Variants in PITPNM2 observed in about 807,000 individuals in gnomAD.
PITPNM2 encodes phosphatidylinositol transfer protein membrane associated 2.
Under a neutral mutation model 132.2 loss-of-function variants are expected in PITPNM2, and 35 were observed. The ratio of observed to expected loss-of-function variants is 0.26; its 90% CI spans 0.20 to 0.35. The LOEUF (loss-of-function observed/expected upper bound fraction) is 0.35, where lower values mean the gene tolerates loss of function less well. Ranked by LOEUF, PITPNM2 falls within the 10% of genes least tolerant of loss-of-function variation. The pLI, the probability that PITPNM2 is intolerant of heterozygous loss-of-function variation, is 1.00. For missense variants in PITPNM2, 1,332 were observed against 1,912.0 expected, an observed-to-expected ratio of 0.70 and a Z score of 5.66; for synonymous variants, 738 against 799.2, an observed-to-expected ratio of 0.92 and a Z score of 1.29.
intron 2 of PITPNM2, among the ~76,000 whole-genome samples, chr12:123,071,832 C>T (rs2041629177): frequency 1.6e-5 from 1 of 64,100 alleles, no homozygotes; most frequent in Admixed American, 1.6e-4. Flanking sequence ...GTCACACAGC[C>T]AGGACTCAAA....
In PITPNM2 at chr12:123,034,505, C is replaced by G. The variant is rs369857832; in HGVS notation, c.78+8G>C. ...CACCCCATGACCCACCCTTGCCCCACGACCCACCTGTATCATGTACAGCTG... is the reference window on the plus strand; with the variant it reads ...CACCCCATGACCCACCCTTGCCCCAGGACCCACCTGTATCATGTACAGCTG... On this transcript the variant is annotated splice_region_variant and intron_variant, in intron 3 of 25. Coordinates refer to ENST00000320201, the MANE Select transcript of PITPNM2 (RefSeq NM_020845.3). 4.3e-6 allele frequency: 7 copies of G among 1,613,610 alleles called. No homozygotes were observed. Among genetic ancestry groups the G allele is most frequent in the South Asian group, 1.1e-5 (1 of 91,036 alleles).
At chr12:123,026,719 T>C (rs1342268625) in intron 3 of PITPNM2, among the ~76,000 whole-genome samples, 1 of 152,172 alleles carries the variant, frequency 6.6e-6, no homozygotes, top group African/African-American at 2.4e-5. Context: ...TCACGCCTTT[T>C]CCAGGACAGC....
At chr12:123,025,509 C>T (rs571025922) in intron 3 of PITPNM2, among the ~76,000 whole-genome samples, 5 of 151,596 alleles carry the variant, frequency 3.3e-5, no homozygotes, top group South Asian at 4.2e-4. Context: ...TCTTGGCTCA[C>T]CGCATCCTCT....
Position 122,985,619 on chromosome 12 carries a change from C to T in PITPNM2, c.*408G>A, listed in dbSNP as rs2037901351. On this transcript the variant is annotated 3_prime_UTR_variant, in exon 26 of 26. Transcript: ENST00000320201. ...GAGTTAACAAGATGCAGGCTGGACC[C>T]CTGTTGGAGCTGCTACCAAATGGGA... 1 of 188,806 alleles carries T rather than the reference C, an allele frequency of 5.3e-6. No homozygotes were observed. 11.7% of individuals were successfully genotyped at this position (188,806 alleles called of 1,614,324 possible). A position where few individuals can be genotyped will look rare whatever the true frequency, so the allele number is the denominator to read the frequency against.
intron 2 of PITPNM2, among the ~76,000 whole-genome samples, chr12:123,068,074 C>A (rs1164141816): frequency 6.6e-6 from 1 of 152,206 alleles, no homozygotes. Context: ...ACTGGCCTCC[C>A]CCTGCCCAGC....
intron 2 of PITPNM2, among the ~76,000 whole-genome samples, chr12:123,107,816 G>A (rs953830331): frequency 3.9e-5 from 6 of 152,188 alleles, no homozygotes; most frequent in African/African-American, 1.4e-4. Flanking sequence ...GGGAAAGGAT[G>A]GCACCCAAAG....
intron 18 of PITPNM2, among the ~76,000 whole-genome samples, chr12:122,989,352 G>A (rs1234800387): frequency 1.3e-5 from 2 of 152,196 alleles, no homozygotes; most frequent in African/African-American, 4.8e-5. Context: ...CTGAGACACA[G>A]CAGTGTGGGC....
Position 122,984,706 on chromosome 12 carries a change from C to T in PITPNM2, c.*1321G>A, listed in dbSNP as rs945069197. On this transcript the variant is annotated 3_prime_UTR_variant, in exon 26 of 26. Transcript: ENST00000320201. ...CAGACCCAGGTCGGCCGTAGCTTCT[C>T]GGGGACAGAGCCTGGTCGCTGGACA... is the stretch of plus-strand genomic sequence containing the variant. 1 of 152,250 alleles carries T rather than the reference C, an allele frequency of 6.6e-6. No individual in the cohort carries two copies. The highest frequency in any genetic ancestry group is 2.4e-5 in the African/African-American group (1 of 41,452). 9.4% of individuals were successfully genotyped at this position (152,250 alleles called of 1,614,324 possible). A position where few individuals can be genotyped will look rare whatever the true frequency, so the allele number is the denominator to read the frequency against.
Position 122,993,459 on chromosome 12 carries a change from T to C in PITPNM2, c.2234-790A>G, listed in dbSNP as rs537440382. Reference sequence around the variant, plus strand: ...AAACCAGAACATATGCTATGCCTTCTGAACTTTGCCTTTTCCTCCCATTTA... The same window carrying C: ...AAACCAGAACATATGCTATGCCTTCCGAACTTTGCCTTTTCCTCCCATTTA... On this transcript the variant is annotated intron_variant, in intron 15 of 25. Coordinates refer to ENST00000320201, the MANE Select transcript of PITPNM2 (RefSeq NM_020845.3). This position sits in a 1 kb window ranked among gnomAD's most constrained non-coding sequence, Gnocchi z 5.2. Among the ~76,000 whole-genome samples the C allele has an allele frequency of 4.1e-4, 63 of 152,384 alleles. No homozygotes were observed. The highest frequency in any genetic ancestry group is 8.1e-4 in the Non-Finnish European group (55 of 68,046).
At chr12:122,999,679 TG>T in intron 10 of PITPNM2, among the ~76,000 whole-genome samples, 1 of 152,254 alleles carries the variant, frequency 6.6e-6, no homozygotes, top group South Asian at 2.1e-4. Context: ...AGGGGACACC[TG>T]GCCTGCCCTG....
At position 122,992,409 on chromosome 12, in the gene PITPNM2, A is replaced by C; in HGVS notation, c.2404+90T>G. On this transcript the variant is annotated intron_variant, in intron 16 of 25. Coordinates refer to ENST00000320201, the MANE Select transcript of PITPNM2 (RefSeq NM_020845.3). This position sits in a 1 kb window ranked among gnomAD's most constrained non-coding sequence, Gnocchi z 6.5. Reference sequence around the variant, plus strand: ...CACAAGCTGTCCCTCTCACCTGGGGAAGAACCACGTAGCATGGAGGACCTA... The same window carrying C: ...CACAAGCTGTCCCTCTCACCTGGGGCAGAACCACGTAGCATGGAGGACCTA... 1 of 1,334,978 alleles carries C rather than the reference A, an allele frequency of 7.5e-7. No individual in the cohort carries two copies. Among genetic ancestry groups the C allele is most frequent in the Non-Finnish European group, 9.9e-7 (1 of 1,012,598 alleles). 82.7% of individuals were successfully genotyped at this position (1,334,978 alleles called of 1,614,324 possible). A position where few individuals can be genotyped will look rare whatever the true frequency, so the allele number is the denominator to read the frequency against.
chr12:123,053,913 C>T (rs2040940525), intron 2 of PITPNM2, among the ~76,000 whole-genome samples: 1 of 152,130 alleles, frequency 6.6e-6, no homozygotes, highest in Admixed American at 6.5e-5. Context: ...CTATAGACTT[C>T]AGTCAGATTT....
At chr12:122,989,107 C>T (rs2038070914) in intron 18 of PITPNM2, among the ~76,000 whole-genome samples, 1 of 152,174 alleles carries the variant, frequency 6.6e-6, no homozygotes, top group African/African-American at 2.4e-5. Flanking sequence ...CCTGCGGTTG[C>T]GTGGGAGGAC....
Position 123,023,270 on chromosome 12 carries a change from G to A in PITPNM2, c.79-9228C>T, listed in dbSNP as rs1410480269. Among the ~76,000 whole-genome samples the A allele has an allele frequency of 6.6e-6, 1 of 152,228 alleles. No homozygotes were observed. Among genetic ancestry groups the A allele is most frequent in the Non-Finnish European group, 1.5e-5 (1 of 68,036 alleles). On this transcript the variant is annotated intron_variant, in intron 3 of 25. Transcript: ENST00000320201. This position sits in a 1 kb window ranked among gnomAD's most constrained non-coding sequence, Gnocchi z 4.8. ...GCTCACTGAAGCTGCCACTCAGAAT[G>A]TCAGTGCGCAGGCGTGCATGCGTGC...
chr12:123,001,282 C>A (rs570694910), intron 8 of PITPNM2, 124 bp from the exon 9 acceptor site: 5 of 687,166 alleles, frequency 7.3e-6, no homozygotes, highest in South Asian at 6.5e-5. Flanking sequence ...GGCCACACAG[C>A]CCCACACCTT....
rs531992419 is a variant in PITPNM2, at chr12:123,028,493, CTG to C, written c.78+6018_78+6019del. ...ATCCATCTTGGGAGGCCAGTGCAGACTGTGCCCTTGAGCCTGTGCTGAAACGT... is the reference window on the plus strand; with the variant it reads ...ATCCATCTTGGGAGGCCAGTGCAGACTGCCCTTGAGCCTGTGCTGAAACGT... On this transcript the variant is annotated intron_variant, in intron 3 of 25. Transcript: ENST00000320201. Among the ~76,000 whole-genome samples the C allele has an allele frequency of 7.7e-4, 117 of 152,340 alleles. 1 individual carries two copies. Among genetic ancestry groups the C allele is most frequent in the Admixed American group, 4.8e-3 (73 of 15,302 alleles).
chr12:123,109,879 T>C (rs557157423), intron 2 of PITPNM2, among the ~76,000 whole-genome samples: 11 of 152,342 alleles, frequency 7.2e-5, no homozygotes, highest in African/African-American at 2.6e-4. Context: ...GTCTTTCGTA[T>C]TTAGTGAAAA....
chr12:123,018,288 C>A (rs1445138979), intron 3 of PITPNM2, among the ~76,000 whole-genome samples: 1 of 113,202 alleles, frequency 8.8e-6, no homozygotes, highest in African/African-American at 2.9e-5. Flanking sequence ...TTTCTTTTTT[C>A]TTTTCTTTTT....
chr12:123,002,537 C>T (rs770702410), intron 8 of PITPNM2, among the ~76,000 whole-genome samples: 2 of 152,060 alleles, frequency 1.3e-5, no homozygotes, highest in African/African-American at 2.4e-5. Flanking sequence ...CTCAGCCTCC[C>T]GAGTAGCTGG....
Sources: gnomAD v4.1 joint callset for allele counts (sites outside exome capture counted in the v4.1 genomes callset) on GRCh38, gnomAD v4.1.1 for gene constraint, Gnocchi (gnomAD v3.1) non-coding constraint, MANE v1.5 for transcripts, NCBI Gene and HGNC (gene_info 2026-07-23, HGNC 2026-07-21) for gene names.